Variants in ARID2 observed in about 807,000 individuals in gnomAD.
The protein encoded by ARID2 is AT-rich interaction domain 2.
A neutral mutation model predicts 184.6 loss-of-function variants in ARID2; 32 were observed. That is an observed-to-expected ratio of 0.17 (90% CI 0.13 to 0.23). The LOEUF is 0.23. ARID2 is among the 10% of genes least tolerant of loss of function. The pLI, the probability that ARID2 is intolerant of heterozygous loss-of-function variation, is 1.00. For missense variants in ARID2, 1,696 were observed against 2,197.6 expected (o/e 0.77, Z 4.56); for synonymous variants, 836 against 772.6 (o/e 1.08, Z -1.36).
chr12:45,784,385 T>TA (rs1180906447), intron 3 of ARID2, among the ~76,000 whole-genome samples: 2 of 151,914 alleles, frequency 1.3e-5, no homozygotes, highest in Non-Finnish European at 2.9e-5. Flanking sequence ...TTAAAATTAA[T>TA]AAAAAAAGAT....
intron 3 of ARID2, among the ~76,000 whole-genome samples, chr12:45,733,111 C>T (rs1941033732): frequency 6.6e-6 from 1 of 152,118 alleles, no homozygotes; most frequent in Admixed American, 6.5e-5. Flanking sequence ...CTCCATATGT[C>T]ACTCTCTAGG....
At chr12:45,835,848 C>T (rs1362519864) in intron 6 of ARID2, among the ~76,000 whole-genome samples, 1 of 151,086 alleles carries the variant, frequency 6.6e-6, no homozygotes, top group Non-Finnish European at 1.5e-5. Context: ...TGCAGTGAGC[C>T]GAGATGGTGC....
intron 6 of ARID2, among the ~76,000 whole-genome samples, chr12:45,834,531 T>G (rs982636761): frequency 3.9e-5 from 6 of 152,120 alleles, no homozygotes; most frequent in Non-Finnish European, 8.8e-5. Context: ...TCACCTGAGG[T>G]TAGGACTTCA....
chr12:45,763,225 C>T (rs1941712309), intron 3 of ARID2, among the ~76,000 whole-genome samples: 1 of 152,180 alleles, frequency 6.6e-6, no homozygotes, highest in Admixed American at 6.5e-5. Context: ...AATCCCAGCA[C>T]TTTGGGAGGC....
At chr12:45,886,123 AAGTT>A (rs1381139934) in intron 16 of ARID2, among the ~76,000 whole-genome samples, 4 of 152,212 alleles carry the variant, frequency 2.6e-5, no homozygotes, top group Non-Finnish European at 1.5e-5. Context: ...AATCAAAAGC[AAGTT>A]AGTTACTTCC....
rs569647539 is a variant in ARID2 at position 45,881,779 on chromosome 12, C to T, written c.4923-10001C>T. The T allele has an allele frequency of 3.2e-5, 6 of 189,074 alleles. No homozygotes were observed. In the South Asian group the frequency reaches 6.9e-4, roughly 22 times the overall value. 11.7% of individuals were successfully genotyped at this position (189,074 alleles called of 1,614,324 possible). The stretch of plus-strand genomic sequence containing the variant: ...GGCAACATTCCTTTCCTTGCAGAAT[C>T]AAGGGTCCTGGACTGAGAAGGCTCT... On this transcript the variant is annotated intron_variant, in intron 16 of 20. Transcript: ENST00000334344.
chr12:45,867,500 T>G (rs1943849177), intron 16 of ARID2, among the ~76,000 whole-genome samples: 1 of 149,648 alleles, frequency 6.7e-6, no homozygotes, highest in African/African-American at 2.4e-5. Flanking sequence ...CCCAGCACTT[T>G]GGGAGGCCGA....
chr12:45,777,346 T>C (rs1469007126), intron 3 of ARID2, among the ~76,000 whole-genome samples: 1 of 152,114 alleles, frequency 6.6e-6, no homozygotes, highest in Non-Finnish European at 1.5e-5. Flanking sequence ...AGAATTTAAT[T>C]GTAGTGTAAT....
At chr12:45,775,484 T>C (rs1941958673) in intron 3 of ARID2, among the ~76,000 whole-genome samples, 1 of 152,236 alleles carries the variant, frequency 6.6e-6, no homozygotes. Flanking sequence ...AAATTTTTTC[T>C]CTCTCAGAAG....
At chr12:45,872,045 ATT>A (rs201650608) in intron 16 of ARID2, among the ~76,000 whole-genome samples, 1 of 150,964 alleles carries the variant, frequency 6.6e-6, no homozygotes, top group Non-Finnish European at 1.5e-5. Flanking sequence ...ATTTTATTGA[ATT>A]TTTTTTCCCC....
At chr12:45,804,280 C>G (rs767778274) in intron 3 of ARID2, among the ~76,000 whole-genome samples, 1 of 152,028 alleles carries the variant, frequency 6.6e-6, no homozygotes, top group Non-Finnish European at 1.5e-5. Flanking sequence ...TTTTTTCCAG[C>G]AAAGCATGCG....
At chr12:45,871,010 T>A (rs913005037) in intron 16 of ARID2, among the ~76,000 whole-genome samples, 7 of 152,206 alleles carry the variant, frequency 4.6e-5, no homozygotes, top group African/African-American at 1.7e-4. Context: ...TGATAAAGAC[T>A]ATGCTTAACA....
chr12:45,762,040 T>G (rs1056392748), intron 3 of ARID2, among the ~76,000 whole-genome samples: 2 of 152,198 alleles, frequency 1.3e-5, no homozygotes, highest in African/African-American at 4.8e-5. Flanking sequence ...TTTCTTTCTC[T>G]TAACTGCTTA....
At chr12:45,874,112 T>A (rs1371887575) in intron 16 of ARID2, 1 of 152,270 alleles carries the variant, frequency 6.6e-6, no homozygotes, top group Non-Finnish European at 1.5e-5. Context: ...CCAAGAGTTC[T>A]GGGCTGTAGC....
intron 4 of ARID2, among the ~76,000 whole-genome samples, chr12:45,812,346 C>G (rs115115402): frequency 6.6e-6 from 1 of 151,972 alleles, no homozygotes; most frequent in Non-Finnish European, 1.5e-5. Flanking sequence ...TATACTGTCT[C>G]ATTTGTGGAC....
At chr12:45,824,777 A>G (rs1216093069) in intron 6 of ARID2, among the ~76,000 whole-genome samples, 1 of 151,816 alleles carries the variant, frequency 6.6e-6, no homozygotes, top group Non-Finnish European at 1.5e-5. Flanking sequence ...TGTGCCGTCA[A>G]TGTGCATTGC....
At chr12:45,798,348 A>G (rs1302495211) in intron 3 of ARID2, among the ~76,000 whole-genome samples, 3 of 152,216 alleles carry the variant, frequency 2.0e-5, no homozygotes, top group African/African-American at 7.2e-5. Context: ...GTTACAAACA[A>G]TGTAAATCAG....
chr12:45,883,692 T>C (rs950152507), intron 16 of ARID2, among the ~76,000 whole-genome samples: 5 of 151,768 alleles, frequency 3.3e-5, no homozygotes, highest in Non-Finnish European at 7.4e-5. Flanking sequence ...ATCAGGTCTT[T>C]TATGTTAGAC....
At chr12:45,826,661 C>T (rs1943008107) in intron 6 of ARID2, among the ~76,000 whole-genome samples, 1 of 152,040 alleles carries the variant, frequency 6.6e-6, no homozygotes, top group Admixed American at 6.6e-5. Context: ...TCAAGCAGTC[C>T]TCCTGCCTCG....
Sources: allele counts gnomAD v4.1 joint callset (sites outside exome capture counted in the v4.1 genomes callset), GRCh38; gene constraint gnomAD v4.1.1; transcripts MANE v1.5; gene names NCBI Gene and HGNC (gene_info 2026-07-23, HGNC 2026-07-21).